INPP4B: variants seen among roughly 807,000 people sequenced by gnomAD.
INPP4B encodes the protein inositol polyphosphate 4-phosphatase type II.
A neutral mutation model predicts 122.5 loss-of-function variants in INPP4B; 55 were observed. The ratio of observed to expected loss-of-function variants is 0.45; its 90% CI spans 0.36 to 0.56. INPP4B has a LOEUF of 0.56. INPP4B is among the 20% of genes least tolerant of loss of function. The pLI is 0.00. For missense variants in INPP4B, 1,000 were observed against 1,097.7 expected (o/e 0.91, Z 1.26); for synonymous variants, 403 against 388.7 (o/e 1.04, Z -0.43).
At chr4:142,552,817 G>A (rs1254869389) in intron 2 of INPP4B, among the ~76,000 whole-genome samples, 1 of 152,130 alleles carries the variant, frequency 6.6e-6, no homozygotes, top group Non-Finnish European at 1.5e-5. Flanking sequence ...CTCAGAGAGG[G>A]CAAGTTATTT....
chr4:142,801,305 C>G (rs1243055347), intron 1 of INPP4B, among the ~76,000 whole-genome samples: 1 of 152,182 alleles, frequency 6.6e-6, no homozygotes, highest in African/African-American at 2.4e-5. Flanking sequence ...AAGCTCTAAT[C>G]CCCAGTCCCT....
intron 1 of INPP4B, among the ~76,000 whole-genome samples, chr4:142,754,044 GA>G (rs1770130287): frequency 6.6e-6 from 1 of 151,938 alleles, no homozygotes; most frequent in South Asian, 2.1e-4. Flanking sequence ...TTCAGCAACT[GA>G]AAAATCAGAA....
At chr4:142,827,114 G>C (rs1016457955) in intron 1 of INPP4B, among the ~76,000 whole-genome samples, 2 of 152,098 alleles carry the variant, frequency 1.3e-5, no homozygotes, top group African/African-American at 4.8e-5. Context: ...TTTATTCTGA[G>C]GGTCAGTCTT....
At position 142,395,103 on chromosome 4, in the gene INPP4B, T is replaced by C. The variant is rs116423550; in HGVS notation, c.372+7835A>G. ...CCCAAAACAAAAAAGCAAACAAAGT[T>C]TTTGAAGAGATGATAGAGAACAACT... On this transcript the variant is annotated intron_variant, in intron 7 of 25. Transcript: ENST00000262992. Among the ~76,000 whole-genome samples the C allele has an allele frequency of 5.5e-3, 831 of 152,272 alleles. 4 individuals are homozygous for C. Among genetic ancestry groups the C allele is most frequent in the African/African-American group, 0.019 (796 of 41,556 alleles).
chr4:142,758,035 G>A (rs536803651), intron 1 of INPP4B, among the ~76,000 whole-genome samples: 1 of 152,284 alleles, frequency 6.6e-6, no homozygotes, highest in Admixed American at 6.5e-5. Flanking sequence ...CTAGATTCTA[G>A]ATTAAGCAAG....
chr4:142,640,651 T>C (rs1013377738), intron 2 of INPP4B, among the ~76,000 whole-genome samples: 1 of 152,010 alleles, frequency 6.6e-6, no homozygotes, highest in Non-Finnish European at 1.5e-5. Context: ...AAGGTTCACA[T>C]TAAGACAGTA....
intron 7 of INPP4B, among the ~76,000 whole-genome samples, chr4:142,335,300 C>G (rs779560294): frequency 2.3e-4 from 35 of 151,976 alleles, no homozygotes; most frequent in Admixed American, 4.6e-4. Flanking sequence ...TAACTGATTC[C>G]TAATATTTAC....
rs542028137 is a variant in INPP4B, at chr4:142,659,054, G to A, written c.-191+66785C>T. Among the ~76,000 whole-genome samples the A allele has an allele frequency of 2.5e-4, 38 of 152,180 alleles. No individual in the cohort carries two copies. In the South Asian group the frequency reaches 7.9e-3, roughly 32 times the overall value. ...ATGCAAATAATCAGGCCAAGTTTAA[G>A]ACTAAATTCTATTTTGCAAACCATT... On this transcript the variant is annotated intron_variant, in intron 2 of 25. Transcript: ENST00000262992.
chr4:142,327,749 C>T (rs941216250), intron 7 of INPP4B, among the ~76,000 whole-genome samples: 3 of 152,180 alleles, frequency 2.0e-5, no homozygotes, highest in Admixed American at 6.5e-5. Context: ...ACCGCTCTAC[C>T]TAATTCTCAA....
At chr4:142,817,802 G>C (rs1018713845) in intron 1 of INPP4B, among the ~76,000 whole-genome samples, 1 of 152,016 alleles carries the variant, frequency 6.6e-6, no homozygotes, top group African/African-American at 2.4e-5. Flanking sequence ...GGTTTATTTG[G>C]ACTAAAAATA....
intron 12 of INPP4B, among the ~76,000 whole-genome samples, chr4:142,235,817 T>G (rs1856472710): frequency 6.6e-6 from 1 of 152,236 alleles, no homozygotes. Flanking sequence ...GTATATATTT[T>G]GGGGATACAT....
In INPP4B at chr4:142,047,365, G is replaced by A. The variant is rs571922624; in HGVS notation, c.2643-18451C>T. ...TCGACTATTCTGTTCAATTGAATAA[G>A]ACACGAAGACACAGAGCTTGGAAAA... On this transcript the variant is annotated intron_variant, in intron 25 of 25. Transcript: ENST00000262992. 2.0e-5 allele frequency among the ~76,000 whole-genome samples: 3 copies of A among 152,182 alleles called. No individual in the cohort carries two copies. In the South Asian group the frequency reaches 6.2e-4, roughly 32 times the overall value.
At chr4:142,366,331 T>TA (rs1554043426) in intron 7 of INPP4B, among the ~76,000 whole-genome samples, 1 of 91,482 alleles carries the variant, frequency 1.1e-5, no homozygotes, top group African/African-American at 3.0e-5. Flanking sequence ...GCCTTGTTGC[T>TA]CACAAAAAAA....
intron 7 of INPP4B, among the ~76,000 whole-genome samples, chr4:142,330,789 G>A (rs987267558): frequency 7.2e-5 from 11 of 152,256 alleles, no homozygotes; most frequent in African/African-American, 2.2e-4. Context: ...TGTTTTGTGC[G>A]TAAAGTGGGT....
At chr4:142,708,776 G>A (rs1762769233) in intron 2 of INPP4B, among the ~76,000 whole-genome samples, 1 of 152,200 alleles carries the variant, frequency 6.6e-6, no homozygotes, top group South Asian at 2.1e-4. Context: ...GAGGGTAAAT[G>A]TGGCGTGAGA....
In INPP4B at chr4:142,083,469, A is replaced by C. The variant is rs2152535046; in HGVS notation, c.2488-1284T>G. Among the ~76,000 whole-genome samples, 3 of 152,334 alleles carry C rather than the reference A, an allele frequency of 2.0e-5. No homozygotes were observed. The South Asian group carries it at 6.2e-4, about 32-fold the overall frequency. On this transcript the variant is annotated intron_variant, in intron 24 of 25. Coordinates refer to ENST00000262992, the MANE Select transcript of INPP4B (RefSeq NM_001101669.3). ...CATGGTAGGGTTCTAACATGAGATA[A>C]CAATAATCAACTTCGGCATTACAAT...
chr4:142,271,711 C>T (rs1745943790), intron 9 of INPP4B, among the ~76,000 whole-genome samples: 1 of 152,126 alleles, frequency 6.6e-6, no homozygotes, highest in Non-Finnish European at 1.5e-5. Flanking sequence ...GATGAGAAGA[C>T]CCTTCCAAGG....
At position 142,431,292 on chromosome 4, in the gene INPP4B, T is replaced by C. The variant is rs1232540755; in HGVS notation, c.-33A>G. 6.5e-7 allele frequency: 1 copy of C among 1,538,832 alleles called. No homozygotes were observed. The highest frequency in any genetic ancestry group is 1.1e-5 in the South Asian group (1 of 89,190). ...CTTCACAGTTTTAAAATTTTCCAAA[T>C]TTTCTTGTCCAAATGTCAGTTCTAG... On this transcript the variant is annotated 5_prime_UTR_variant, in exon 4 of 26. Transcript: ENST00000262992.
At chr4:142,418,926 A>G (rs1054102524) in intron 5 of INPP4B, among the ~76,000 whole-genome samples, 1 of 152,148 alleles carries the variant, frequency 6.6e-6, no homozygotes, top group Non-Finnish European at 1.5e-5. Context: ...CGCAGGTGAG[A>G]GTTCACAGTG....
Sources: allele counts gnomAD v4.1 joint callset (sites outside exome capture counted in the v4.1 genomes callset), GRCh38; gene constraint gnomAD v4.1.1; transcripts MANE v1.5; gene names NCBI Gene and HGNC (gene_info 2026-07-23, HGNC 2026-07-21).